Variants in GPC5 observed in about 807,000 individuals in gnomAD.
GPC5 encodes glypican 5.
A neutral mutation model predicts 53.9 loss-of-function variants in GPC5; 47 were observed. The observed-to-expected ratio is 0.87, with a 90% CI of 0.69 to 1.11. The LOEUF (loss-of-function observed/expected upper bound fraction) is 1.11. Ranked by LOEUF, GPC5 falls within the 50% of genes most tolerant of loss-of-function variation. The pLI is 0.00. For synonymous variants in GPC5, 286 were observed against 263.3 expected (o/e 1.09, Z -0.84); for missense variants, 748 against 713.1 (o/e 1.05, Z -0.56).
intron 7 of GPC5, among the ~76,000 whole-genome samples, chr13:92,460,652 C>A (rs1878442084): frequency 6.6e-6 from 1 of 152,052 alleles, no homozygotes; most frequent in African/African-American, 2.4e-5. Context: ...AGTAGTTGTT[C>A]CCATAAGGAA....
chr13:91,923,942 T>C (rs1407356511), intron 6 of GPC5, among the ~76,000 whole-genome samples: 4 of 152,094 alleles, frequency 2.6e-5, no homozygotes, highest in African/African-American at 4.8e-5. Context: ...CTAAATTCAC[T>C]CTCTCCTAGT....
chr13:92,442,232 G>A (rs754878657), intron 7 of GPC5, among the ~76,000 whole-genome samples: 2 of 152,048 alleles, frequency 1.3e-5, no homozygotes, highest in Non-Finnish European at 2.9e-5. Flanking sequence ...TGATTCTTCT[G>A]GATACCCCAA....
chr13:92,471,220 T>G (rs753644509), intron 7 of GPC5, among the ~76,000 whole-genome samples: 2 of 152,196 alleles, frequency 1.3e-5, no homozygotes, highest in Non-Finnish European at 2.9e-5. Context: ...ATGATTAGTT[T>G]GTCTGTATTT....
At chr13:92,638,961 A>T (rs11840178) in intron 7 of GPC5, among the ~76,000 whole-genome samples, 2,253 of 152,316 alleles carry the variant, frequency 0.015, 58 homozygotes, top group African/African-American at 0.05. Context: ...TAATTATAGT[A>T]TTTGCCAATC....
chr13:92,014,330 C>T (rs1371063615), intron 6 of GPC5, among the ~76,000 whole-genome samples: 1 of 152,128 alleles, frequency 6.6e-6, no homozygotes, highest in African/African-American at 2.4e-5. Flanking sequence ...ACTTGAATGG[C>T]TGAATTGGCT....
chr13:92,225,454 C>T (rs539136409), intron 7 of GPC5, among the ~76,000 whole-genome samples: 3 of 152,020 alleles, frequency 2.0e-5, no homozygotes, highest in Non-Finnish European at 2.9e-5. Context: ...TTGTAATTTC[C>T]GTCTGACCTC....
intron 2 of GPC5, among the ~76,000 whole-genome samples, chr13:91,656,052 T>G (rs1308992826): frequency 2.0e-5 from 3 of 152,186 alleles, no homozygotes; most frequent in Admixed American, 2.0e-4. Flanking sequence ...AGTCAGCCCC[T>G]CTGCTGTATT....
intron 5 of GPC5, among the ~76,000 whole-genome samples, chr13:91,859,910 C>T (rs567676343): frequency 2.0e-5 from 3 of 151,884 alleles, no homozygotes; most frequent in Non-Finnish European, 2.9e-5. Flanking sequence ...TGTGTTATTG[C>T]CATTTTATTT....
At chr13:91,895,024 G>T (rs2039425943) in intron 5 of GPC5, among the ~76,000 whole-genome samples, 1 of 150,752 alleles carries the variant, frequency 6.6e-6, no homozygotes, top group Non-Finnish European at 1.5e-5. Flanking sequence ...TATCGAAGCT[G>T]GCCTTCTAAC....
chr13:92,417,922 C>G (rs1876385945), intron 7 of GPC5, among the ~76,000 whole-genome samples: 1 of 151,974 alleles, frequency 6.6e-6, no homozygotes, highest in South Asian at 2.1e-4. Flanking sequence ...GTCTATCAGG[C>G]AATGAATGTC....
intron 6 of GPC5, among the ~76,000 whole-genome samples, chr13:92,002,063 C>T (rs552459410): frequency 7.3e-4 from 111 of 152,070 alleles, no homozygotes; most frequent in Non-Finnish European, 1.4e-3. Context: ...ACATGAGAGG[C>T]GGTAATTTTT....
chr13:92,866,161 G>T (rs1357350141), intron 7 of GPC5, 121 bp from the exon 8 acceptor site: 2 of 680,088 alleles, frequency 2.9e-6, no homozygotes, highest in Non-Finnish European at 4.5e-6. Flanking sequence ...TTAGAGTTAG[G>T]TGAACATAGA....
Position 92,792,953 on chromosome 13 carries a change from G to A in GPC5, c.1562-73329G>A, listed in dbSNP as rs148566817. Among the ~76,000 whole-genome samples, 177 of 152,016 alleles carry A rather than the reference G, an allele frequency of 1.2e-3. 1 individual carries two copies. The highest frequency in any genetic ancestry group is 4.2e-3 in the African/African-American group (173 of 41,516). On this transcript the variant is annotated intron_variant, in intron 7 of 7. Coordinates refer to ENST00000377067, the MANE Select transcript of GPC5 (RefSeq NM_004466.6). Reference sequence around the variant, plus strand: ...TAATAATGGGAGACTTTAACACAGCGCTGTCAATATTAGACAGATGAACGA... The same window carrying A: ...TAATAATGGGAGACTTTAACACAGCACTGTCAATATTAGACAGATGAACGA...
At chr13:92,381,757 C>T (rs868301402) in intron 7 of GPC5, among the ~76,000 whole-genome samples, 12 of 149,074 alleles carry the variant, frequency 8.0e-5, no homozygotes, top group Middle Eastern at 3.5e-3. Flanking sequence ...GCCCAAATGC[C>T]CATTAATCAA....
chr13:91,992,707 C>T (rs1272143999), intron 6 of GPC5, among the ~76,000 whole-genome samples: 1 of 152,116 alleles, frequency 6.6e-6, no homozygotes, highest in East Asian at 1.9e-4. Context: ...CTGCCCACCT[C>T]ATCCTCCCAA....
chr13:91,604,267 A>T (rs1252544398), intron 2 of GPC5, among the ~76,000 whole-genome samples: 3 of 140,480 alleles, frequency 2.1e-5, no homozygotes, highest in Non-Finnish European at 4.6e-5. Context: ...CCATGTCCCT[A>T]CAAAGGACAT....
At chr13:92,292,523 AT>A (rs963189325) in intron 7 of GPC5, among the ~76,000 whole-genome samples, 3 of 150,218 alleles carry the variant, frequency 2.0e-5, no homozygotes, top group Non-Finnish European at 3.0e-5. Flanking sequence ...TTTTGATGGG[AT>A]TTTTTTTTCT....
chr13:92,466,328 A>T (rs556127123), intron 7 of GPC5, among the ~76,000 whole-genome samples: 1 of 152,222 alleles, frequency 6.6e-6, no homozygotes, highest in South Asian at 2.1e-4. Context: ...AAAAATAAGC[A>T]TAGAATGATA....
intron 7 of GPC5, among the ~76,000 whole-genome samples, chr13:92,680,075 A>C (rs1031527515): frequency 2.6e-5 from 4 of 152,178 alleles, no homozygotes; most frequent in South Asian, 2.1e-4. Context: ...ATTGTAACCT[A>C]GCTCTGAGGA....
Sources: allele counts gnomAD v4.1 joint callset (sites outside exome capture counted in the v4.1 genomes callset), GRCh38; gene constraint gnomAD v4.1.1; transcripts MANE v1.5; gene names NCBI Gene and HGNC (gene_info 2026-07-23, HGNC 2026-07-21).